Variants in FOXP2 observed in about 807,000 individuals in gnomAD.
FOXP2 encodes forkhead box protein P2.
Under a neutral mutation model 115.8 loss-of-function variants are expected in FOXP2, and 12 were observed. That is an observed-to-expected ratio of 0.10 (90% CI 0.07 to 0.17). The LOEUF is 0.17. Ranked by LOEUF, FOXP2 falls within the 10% of genes least tolerant of loss-of-function variation. The pLI is 1.00. For synonymous variants in FOXP2, 328 were observed against 297.7 expected (o/e 1.10, Z -1.05); for missense variants, 629 against 843.5 (o/e 0.75, Z 3.15).
intron 2 of FOXP2, among the ~76,000 whole-genome samples, chr7:114,470,659 A>G (rs191701241): frequency 6.8e-4 from 103 of 152,282 alleles, no homozygotes; most frequent in Non-Finnish European, 1.2e-3. Context: ...AGATCAGTTC[A>G]GTTATGACAC....
intron 1 of FOXP2, among the ~76,000 whole-genome samples, chr7:114,148,603 G>A (rs1447569757): frequency 6.6e-6 from 1 of 152,136 alleles, no homozygotes; most frequent in African/African-American, 2.4e-5. Context: ...CTCTTGAGAA[G>A]CTTGCCCAGG....
intron 1 of FOXP2, among the ~76,000 whole-genome samples, chr7:114,266,203 T>G (rs551014985): frequency 1.0e-3 from 153 of 152,296 alleles, no homozygotes; most frequent in African/African-American, 3.5e-3. Flanking sequence ...TGTTTTCTTC[T>G]GAGCCCTCCA....
chr7:114,096,304 A>G lies in FOXP2; in HGVS notation c.-247+8466A>G, dbSNP rs187715522. Among the ~76,000 whole-genome samples the G allele has an allele frequency of 3.4e-3, 513 of 152,342 alleles. 2 individuals are homozygous for G. Among genetic ancestry groups the G allele is most frequent in the Non-Finnish European group, 3.8e-3 (256 of 68,032 alleles). Reference sequence around the variant, plus strand: ...AGAATGTTTATTCCTATGACTAAAAATGAAATTAACTCAACAGTCTGACTT... The same window carrying G: ...AGAATGTTTATTCCTATGACTAAAAGTGAAATTAACTCAACAGTCTGACTT... On this transcript the variant is annotated intron_variant, in intron 1 of 19. Coordinates refer to the FOXP2 transcript ENST00000635638.
chr7:114,494,800 A>C lies in FOXP2; in HGVS notation c.169-39817A>C, dbSNP rs1013304725. Among the ~76,000 whole-genome samples the C allele has an allele frequency of 2.6e-5, 4 of 152,144 alleles. No homozygotes were observed. In the South Asian group the frequency reaches 8.3e-4, roughly 31 times the overall value. The stretch of plus-strand genomic sequence containing the variant: ...ATTTATATGAAAAAAACGCGGTAAA[A>C]TTTTGATGACATGTTGCTATATTTC... On this transcript the variant is annotated intron_variant, in intron 2 of 16. Coordinates refer to ENST00000350908, the MANE Select transcript of FOXP2 (RefSeq NM_014491.4).
At chr7:114,431,584 T>C (rs1481569647) in intron 2 of FOXP2, among the ~76,000 whole-genome samples, 1 of 151,980 alleles carries the variant, frequency 6.6e-6, no homozygotes, top group African/African-American at 2.4e-5. Flanking sequence ...TTTATATTCA[T>C]AGCAAGCTTC....
At chr7:114,386,612 T>C (rs1792460758) in intron 2 of FOXP2, among the ~76,000 whole-genome samples, 1 of 152,206 alleles carries the variant, frequency 6.6e-6, no homozygotes, top group Non-Finnish European at 1.5e-5. Context: ...GTTTCACCTT[T>C]GAAGGTGTCA....
chr7:114,226,193 A>G (rs1794744724), intron 1 of FOXP2, among the ~76,000 whole-genome samples: 2 of 152,336 alleles, frequency 1.3e-5, no homozygotes, highest in African/African-American at 4.8e-5. Context: ...ATTTTATGTT[A>G]TTGAACCAAT....
chr7:114,586,789 G>T (rs1442273157), intron 3 of FOXP2, among the ~76,000 whole-genome samples: 8 of 151,904 alleles, frequency 5.3e-5, no homozygotes, highest in Non-Finnish European at 2.9e-5. Flanking sequence ...ATATCAAGTT[G>T]TCAAGATTCC....
intron 3 of FOXP2, among the ~76,000 whole-genome samples, chr7:114,586,809 GT>G (rs145740685): frequency 2.6e-5 from 4 of 151,688 alleles, no homozygotes; most frequent in East Asian, 1.9e-4. Context: ...CAAACAGTAG[GT>G]TTTTTTCCTA....
chr7:114,413,153 A>G (rs1192665164), upstream of FOXP2, among the ~76,000 whole-genome samples: 1 of 152,132 alleles, frequency 6.6e-6, no homozygotes, highest in African/African-American at 2.4e-5. Flanking sequence ...GACTGATGTG[A>G]TAATGGAAAC....
At chr7:114,107,364 C>T (rs905674659) in intron 1 of FOXP2, among the ~76,000 whole-genome samples, 14 of 151,902 alleles carry the variant, frequency 9.2e-5, no homozygotes, top group African/African-American at 3.1e-4. Flanking sequence ...TGCTGTGGTG[C>T]TATAATAATA....
At chr7:114,341,189 A>C (rs1562878244) in intron 2 of FOXP2, among the ~76,000 whole-genome samples, 1 of 151,304 alleles carries the variant, frequency 6.6e-6, no homozygotes, top group East Asian at 1.9e-4. Context: ...CAGGATCCTC[A>C]GAACTATCAT....
At chr7:114,169,905 T>C (rs1384695248) in intron 1 of FOXP2, among the ~76,000 whole-genome samples, 3 of 152,166 alleles carry the variant, frequency 2.0e-5, no homozygotes, top group Non-Finnish European at 4.4e-5. Flanking sequence ...AGCTCTCTCT[T>C]TGCCTGCTGC....
intron 1 of FOXP2, among the ~76,000 whole-genome samples, chr7:114,249,458 T>A (rs1425073673): frequency 6.6e-6 from 1 of 151,858 alleles, no homozygotes; most frequent in Admixed American, 6.6e-5. Flanking sequence ...AGTGAGAACA[T>A]GTGGTGTTTG....
At chr7:114,262,468 T>G (rs1160497966) in intron 1 of FOXP2, among the ~76,000 whole-genome samples, 1 of 152,104 alleles carries the variant, frequency 6.6e-6, no homozygotes, top group Non-Finnish European at 1.5e-5. Context: ...ACCCTAAACC[T>G]CAGCATCACT....
At chr7:114,534,496 T>C in intron 2 of FOXP2, 121 bp from the exon 3 acceptor site, 1 of 843,948 alleles carries the variant, frequency 1.2e-6, no homozygotes, top group Admixed American at 1.9e-5. Flanking sequence ...ACAACAATGA[T>C]TCTCTCTAGA....
chr7:114,420,232 G>T (rs967130850), intron 1 of FOXP2, among the ~76,000 whole-genome samples: 1 of 151,852 alleles, frequency 6.6e-6, no homozygotes, highest in African/African-American at 2.4e-5. Flanking sequence ...ATCAGTGAAG[G>T]CTATTGCAAG....
intron 2 of FOXP2, among the ~76,000 whole-genome samples, chr7:114,463,922 G>A (rs1448544770): frequency 1.3e-5 from 2 of 152,130 alleles, no homozygotes; most frequent in African/African-American, 4.8e-5. Flanking sequence ...AACAAAGAGA[G>A]AGACAGTGTT....
chr7:114,357,452 T>A (rs1452807458), intron 2 of FOXP2, among the ~76,000 whole-genome samples: 2 of 152,172 alleles, frequency 1.3e-5, no homozygotes, highest in African/African-American at 2.4e-5. Context: ...TGAGGATCTG[T>A]CCACTTTGTT....
Sources: allele counts gnomAD v4.1 joint callset (sites outside exome capture counted in the v4.1 genomes callset), GRCh38; gene constraint gnomAD v4.1.1; transcripts MANE v1.5; gene names NCBI Gene and HGNC (gene_info 2026-07-23, HGNC 2026-07-21).